SMARCC1: variants seen among roughly 807,000 people sequenced by gnomAD.
The protein encoded by SMARCC1 is SWI/SNF complex subunit SMARCC1.
Under a neutral mutation model 147.4 loss-of-function variants are expected in SMARCC1, and 43 were observed. The ratio of observed to expected loss-of-function variants is 0.29; its 90% CI spans 0.23 to 0.38. SMARCC1 has a LOEUF of 0.38. Ranked by LOEUF, SMARCC1 falls within the 10% of genes least tolerant of loss-of-function variation. The pLI, the probability that SMARCC1 is intolerant of heterozygous loss-of-function variation, is 1.00. For synonymous variants in SMARCC1, 495 were observed against 484.4 expected, an observed-to-expected ratio of 1.02 and a Z score of -0.29; for missense variants, 1,119 against 1,381.1, an observed-to-expected ratio of 0.81 and a Z score of 3.01.
In SMARCC1 at chr3:47,635,246, C is replaced by G; in HGVS notation, c.2590G>C (p.Gly864Arg). The change falls in exon 24 of 28, where the codon GGA (glycine) becomes CGA (arginine). Residue 864 changes from glycine to arginine, a missense_variant. Coordinates refer to ENST00000254480, the MANE Select transcript of SMARCC1 (RefSeq NM_003074.4). ...KKKVEHEISE[G>R]NVATAAAAAL... The stretch of plus-strand genomic sequence containing the variant: ...GCTGCTGCGGCTGTGGCAACATTTC[C>G]TTCGGAAATTTCATGTTCTACTTTC... 2 of 1,613,890 alleles carry G rather than the reference C, an allele frequency of 1.2e-6. No individual in the cohort carries two copies. The highest frequency in any genetic ancestry group is 1.7e-6 in the Non-Finnish European group (2 of 1,179,978).
chr3:47,705,335 A>C (rs937249199), intron 10 of SMARCC1, among the ~76,000 whole-genome samples: 3 of 151,406 alleles, frequency 2.0e-5, no homozygotes, highest in African/African-American at 7.3e-5. Context: ...AAAAAAAAAA[A>C]AAAAAAAACG....
At chr3:47,702,655 G>A (rs1338572077) in intron 10 of SMARCC1, among the ~76,000 whole-genome samples, 2 of 152,212 alleles carry the variant, frequency 1.3e-5, no homozygotes, top group Non-Finnish European at 1.5e-5. Flanking sequence ...CTGGAATGCA[G>A]TGGTGCAATC....
At chr3:47,746,891 C>T (rs543705716) in intron 2 of SMARCC1, among the ~76,000 whole-genome samples, 4 of 151,934 alleles carry the variant, frequency 2.6e-5, no homozygotes, top group East Asian at 1.9e-4. Context: ...TGACCACGCC[C>T]GGCTAATTTT....
At chr3:47,662,731 AG>A in intron 19 of SMARCC1, 139 bp from the exon 20 acceptor site, 2 of 739,896 alleles carry the variant, frequency 2.7e-6, no homozygotes, top group Non-Finnish European at 4.4e-6. Context: ...TGGTTTCCTT[AG>A]ATTATTTTCA....
chr3:47,678,326 C>CA lies in SMARCC1; in HGVS notation c.1458-16dup. On this transcript the variant is annotated splice_polypyrimidine_tract_variant and intron_variant, in intron 15 of 27. Coordinates refer to ENST00000254480, the MANE Select transcript of SMARCC1 (RefSeq NM_003074.4). ...ATGCCAAGTATCTAAAAAGCAATGG[C>CA]AAAATTCATAAGGTGGACATGTATC... The CA allele has an allele frequency of 7.2e-7, 1 of 1,384,982 alleles. No individual in the cohort carries two copies. Among genetic ancestry groups the CA allele is most frequent in the South Asian group, 1.2e-5 (1 of 81,036 alleles). 85.8% of individuals were successfully genotyped at this position (1,384,982 alleles called of 1,614,324 possible). A position where few individuals can be genotyped will look rare whatever the true frequency, so the allele number is the denominator to read the frequency against.
intron 2 of SMARCC1, 57 bp downstream of exon 2, chr3:47,772,756 CTACA>C: frequency 7.0e-7 from 1 of 1,435,484 alleles, no homozygotes; most frequent in Non-Finnish European, 9.4e-7. Flanking sequence ...AAGCTGGATG[CTACA>C]CCTAAAAGTA....
intron 21 of SMARCC1, among the ~76,000 whole-genome samples, chr3:47,656,478 G>A (rs1465798082): frequency 6.6e-6 from 1 of 152,182 alleles, no homozygotes; most frequent in Admixed American, 6.5e-5. Context: ...AAAGCCCTAT[G>A]GCTATGAAGG....
intron 26 of SMARCC1, among the ~76,000 whole-genome samples, chr3:47,597,568 C>T (rs1483268395): frequency 2.0e-5 from 3 of 152,100 alleles, no homozygotes; most frequent in Non-Finnish European, 4.4e-5. Flanking sequence ...CCTCATGATC[C>T]GCCTGCCTCG....
chr3:47,657,196 GGA>G (rs1298114751), intron 21 of SMARCC1, among the ~76,000 whole-genome samples: 3 of 152,126 alleles, frequency 2.0e-5, no homozygotes, highest in South Asian at 2.1e-4. Flanking sequence ...TTTCAATAAA[GGA>G]GAGAGGTATG....
intron 19 of SMARCC1, among the ~76,000 whole-genome samples, chr3:47,666,194 A>C (rs2033417958): frequency 6.6e-6 from 1 of 152,120 alleles, no homozygotes; most frequent in African/African-American, 2.4e-5. Flanking sequence ...GTGCCTATGA[A>C]CCATTTGTTC....
At chr3:47,589,824 G>GCTC (rs1355062220) in intron 27 of SMARCC1, among the ~76,000 whole-genome samples, 1 of 152,156 alleles carries the variant, frequency 6.6e-6, no homozygotes. Context: ...CTCAACTAAA[G>GCTC]CTCCTACAGA....
chr3:47,654,596 C>A (rs1031733786), intron 21 of SMARCC1, among the ~76,000 whole-genome samples: 1 of 152,180 alleles, frequency 6.6e-6, no homozygotes, highest in Non-Finnish European at 1.5e-5. Context: ...TTATTTAGCT[C>A]ACAGTTCCAC....
At chr3:47,606,376 T>C (rs2032476205) in intron 26 of SMARCC1, among the ~76,000 whole-genome samples, 1 of 152,348 alleles carries the variant, frequency 6.6e-6, no homozygotes, top group African/African-American at 2.4e-5. Flanking sequence ...ATCCTGGCTC[T>C]ACCATGCAGC....
intron 12 of SMARCC1, among the ~76,000 whole-genome samples, chr3:47,692,989 G>T (rs553271767): frequency 6.6e-6 from 1 of 151,680 alleles, no homozygotes; most frequent in Non-Finnish European, 1.5e-5. Context: ...GTGAGATTCC[G>T]TCTTAAAAAA....
chr3:47,733,769 C>A (rs2034405074), intron 5 of SMARCC1, among the ~76,000 whole-genome samples: 1 of 147,900 alleles, frequency 6.8e-6, no homozygotes, highest in Non-Finnish European at 1.5e-5. Flanking sequence ...GAGGCTGAGG[C>A]AAGAGAATGG....
At chr3:47,713,127 C>A (rs2034110166) in intron 8 of SMARCC1, among the ~76,000 whole-genome samples, 1 of 151,968 alleles carries the variant, frequency 6.6e-6, no homozygotes, top group Non-Finnish European at 1.5e-5. Context: ...TCGAGACCAT[C>A]CTGGCTAACA....
chr3:47,617,901 T>C (rs1476485483), intron 25 of SMARCC1, among the ~76,000 whole-genome samples: 6 of 152,202 alleles, frequency 3.9e-5, no homozygotes, highest in Non-Finnish European at 7.3e-5. Context: ...TATGTTTACA[T>C]TATAAAGAAC....
At chr3:47,649,749 T>C (rs943668450) in intron 21 of SMARCC1, among the ~76,000 whole-genome samples, 1 of 152,138 alleles carries the variant, frequency 6.6e-6, no homozygotes, top group African/African-American at 2.4e-5. Flanking sequence ...AAACTAATAC[T>C]TGAGATCAGG....
intron 18 of SMARCC1, among the ~76,000 whole-genome samples, chr3:47,675,149 C>CT (rs930544375): frequency 6.6e-6 from 1 of 152,174 alleles, no homozygotes; most frequent in African/African-American, 2.4e-5. Flanking sequence ...TAATTTGTCT[C>CT]TGAGTTCACT....
Sources: gnomAD v4.1 joint callset for allele counts (sites outside exome capture counted in the v4.1 genomes callset) on GRCh38, gnomAD v4.1.1 for gene constraint, MANE v1.5 for transcripts, NCBI Gene and HGNC (gene_info 2026-07-23, HGNC 2026-07-21) for gene names.